The following CWC27 variants were observed in gnomAD, a reference collection of about 807,000 sequenced individuals.
CWC27 encodes the protein CWC27 spliceosome associated cyclophilin.
A neutral mutation model predicts 63.6 loss-of-function variants in CWC27; 47 were observed. That is an observed-to-expected ratio of 0.74 (90% confidence interval 0.58 to 0.94). The LOEUF is 0.94. Ranked by LOEUF, CWC27 falls within the 40% of genes least tolerant of loss-of-function variation. The pLI is 0.00. For missense variants in CWC27, 495 were observed against 554.3 expected (o/e 0.89, Z 1.07); for synonymous variants, 175 against 179.8 (o/e 0.97, Z 0.22).
At chr5:65,016,507 G>A (rs1750050540) in intron 13 of CWC27, among the ~76,000 whole-genome samples, 1 of 152,034 alleles carries the variant, frequency 6.6e-6, no homozygotes, top group South Asian at 2.1e-4. Context: ...GTATAAAAAT[G>A]TGAATGTGAC....
At chr5:65,011,341 T>G (rs1749952485) in intron 13 of CWC27, among the ~76,000 whole-genome samples, 1 of 152,202 alleles carries the variant, frequency 6.6e-6, no homozygotes, top group Non-Finnish European at 1.5e-5. Context: ...CAAGATTCTC[T>G]GCAAGACCAG....
rs16893234 is a variant in CWC27 at position 64,894,882 on chromosome 5, G to A, written c.1042+9336G>A. The stretch of plus-strand genomic sequence containing the variant: ...AAACTTAAGGTTTTCCCAAGGTAGC[G>A]AGGGTCTAACAAGACTATTCTGTGT... On this transcript the variant is annotated intron_variant, in intron 11 of 13. Coordinates refer to ENST00000381070, the MANE Select transcript of CWC27 (RefSeq NM_005869.4). 4.1e-3 allele frequency among the ~76,000 whole-genome samples: 621 copies of A among 152,296 alleles called. 23 individuals are homozygous for A. The East Asian group carries it at 0.078, about 19-fold the overall frequency.
chr5:64,867,907 GA>G (rs1746568329), intron 10 of CWC27, among the ~76,000 whole-genome samples: 1 of 150,084 alleles, frequency 6.7e-6, no homozygotes, highest in African/African-American at 2.5e-5. Flanking sequence ...GATAAATCCA[GA>G]ACCCATTTGT....
chr5:65,009,748 T>G (rs1171178956), intron 13 of CWC27, among the ~76,000 whole-genome samples: 9 of 152,344 alleles, frequency 5.9e-5, no homozygotes, highest in Non-Finnish European at 1.2e-4. Flanking sequence ...CACCAGACAC[T>G]GACTGATGGC....
intron 13 of CWC27, among the ~76,000 whole-genome samples, chr5:64,997,002 C>T (rs1181764508): frequency 1.5e-4 from 23 of 152,086 alleles, no homozygotes; most frequent in Admixed American, 1.4e-3. Context: ...ACTTAATTCA[C>T]GCTTAGTCAA....
chr5:64,859,459 G>A (rs1746344766), intron 10 of CWC27, among the ~76,000 whole-genome samples: 1 of 152,116 alleles, frequency 6.6e-6, no homozygotes, highest in Non-Finnish European at 1.5e-5. Context: ...TTTTAAAAAT[G>A]TTTCAAAGCA....
At chr5:64,854,733 G>T (rs1746211627) in intron 10 of CWC27, among the ~76,000 whole-genome samples, 1 of 152,130 alleles carries the variant, frequency 6.6e-6, no homozygotes, top group South Asian at 2.1e-4. Context: ...TCAGTTTTCA[G>T]CATGGATGTT....
intron 13 of CWC27, among the ~76,000 whole-genome samples, chr5:65,002,919 A>T (rs573799097): frequency 6.6e-6 from 1 of 152,154 alleles, no homozygotes; most frequent in Non-Finnish European, 1.5e-5. Flanking sequence ...ACTGGAGTCT[A>T]TCTTTCCCTT....
chr5:64,781,987 C>T lies in CWC27; in HGVS notation c.206C>T (p.Thr69Ile), dbSNP rs772455288. ...PGFIVQGGDP[T>I]GTGSGGESIY... is the part of the protein sequence containing the mutation. ...TTCATAGTCCAAGGCGGAGATCCTA[C>T]TGGCACAGGGAGTGGTGGAGAGTCT... The change falls in exon 3 of 14, where the codon ACT becomes ATT. Residue 69 changes from threonine to isoleucine, a missense_variant. Around this residue, in one of 3 missense-constraint regions of CWC27, gnomAD observed 463 missense variants for 498.1 expected, o/e 0.93. Transcript: ENST00000381070. The T allele has an allele frequency of 6.2e-7, 1 of 1,603,352 alleles. No homozygotes were observed. Among genetic ancestry groups the T allele is most frequent in the Non-Finnish European group, 8.5e-7 (1 of 1,172,518 alleles).
At position 64,911,850 on chromosome 5, in the gene CWC27, G is replaced by A. The variant is rs528943750; in HGVS notation, c.1042+26304G>A. Among the ~76,000 whole-genome samples the A allele has an allele frequency of 3.3e-4, 50 of 152,068 alleles. 1 individual carries two copies. In the Middle Eastern group the frequency reaches 0.027, roughly 83 times the overall value. Reference sequence around the variant, plus strand: ...AGCACTTTGGGAGGCCGAGGTGGGCGGATCACAAGGTCAGGAGATGGAGAC... The same window carrying A: ...AGCACTTTGGGAGGCCGAGGTGGGCAGATCACAAGGTCAGGAGATGGAGAC... On this transcript the variant is annotated intron_variant, in intron 11 of 13. Coordinates refer to ENST00000381070, the MANE Select transcript of CWC27 (RefSeq NM_005869.4).
chr5:64,772,395 G>T (rs1349818133), intron 1 of CWC27, among the ~76,000 whole-genome samples: 1 of 151,894 alleles, frequency 6.6e-6, no homozygotes, highest in African/African-American at 2.4e-5. Flanking sequence ...GGAGACTATG[G>T]CAGATTGCCT....
intron 9 of CWC27, among the ~76,000 whole-genome samples, chr5:64,802,097 T>C (rs1744508883): frequency 6.6e-6 from 1 of 152,150 alleles, no homozygotes; most frequent in Non-Finnish European, 1.5e-5. Context: ...AGGAGTTAGC[T>C]AAGTCAGAAA....
intron 11 of CWC27, among the ~76,000 whole-genome samples, chr5:64,910,227 C>T (rs556294539): frequency 6.6e-6 from 1 of 152,322 alleles, no homozygotes; most frequent in East Asian, 1.9e-4. Context: ...AGGTCCACTC[C>T]AGACCCTGTT....
intron 10 of CWC27, among the ~76,000 whole-genome samples, chr5:64,852,478 CTT>C (rs538486678): frequency 2.8e-5 from 4 of 145,330 alleles, no homozygotes; most frequent in Non-Finnish European, 4.5e-5. Flanking sequence ...GGACGAAAAC[CTT>C]TTTTTTTTTT....
intron 7 of CWC27, among the ~76,000 whole-genome samples, chr5:64,796,761 C>A (rs1417344839): frequency 1.1e-5 from 1 of 87,698 alleles, no homozygotes; most frequent in African/African-American, 5.5e-5. Context: ...CCCTCCCTCC[C>A]TCCCTCCCTC....
chr5:64,841,919 A>G (rs563236026), intron 10 of CWC27, among the ~76,000 whole-genome samples: 1 of 152,264 alleles, frequency 6.6e-6, no homozygotes, highest in South Asian at 2.1e-4. Flanking sequence ...ACCTCAGGTT[A>G]TCCGCTCACC....
chr5:64,846,715 C>T (rs997848741), intron 10 of CWC27, among the ~76,000 whole-genome samples: 5 of 151,734 alleles, frequency 3.3e-5, no homozygotes, highest in East Asian at 3.8e-4. Context: ...GGCAATAGGC[C>T]GGGCACAGTG....
chr5:64,984,613 T>C (rs1749389733), intron 13 of CWC27, among the ~76,000 whole-genome samples: 2 of 152,268 alleles, frequency 1.3e-5, no homozygotes, highest in South Asian at 4.1e-4. Context: ...GGATGAAATG[T>C]CTGTTCAAGT....
chr5:64,891,771 T>TTGTTG (rs1747243128), intron 11 of CWC27, among the ~76,000 whole-genome samples: 3 of 147,634 alleles, frequency 2.0e-5, no homozygotes, highest in Admixed American at 6.8e-5. Context: ...CTTGGGATAC[T>TTGTTG]TTGTTGTTGT....
Sources: allele counts gnomAD v4.1 joint callset (sites outside exome capture counted in the v4.1 genomes callset), GRCh38; gene constraint gnomAD v4.1.1; regional missense constraint gnomAD v4.1.1; transcripts MANE v1.5; gene names NCBI Gene and HGNC (gene_info 2026-07-23, HGNC 2026-07-21).